COP1: variants seen among roughly 807,000 people sequenced by gnomAD.
COP1 encodes the protein COP1 E3 ubiquitin ligase.
Under a neutral mutation model 101.3 loss-of-function variants are expected in COP1, and 24 were observed. The ratio of observed to expected loss-of-function variants is 0.24; its 90% CI spans 0.17 to 0.33. The LOEUF (loss-of-function observed/expected upper bound fraction) is 0.33. Among genes scored for constraint, COP1 ranks in the 10% least tolerant of loss-of-function variants. The pLI, the probability that COP1 is intolerant of heterozygous loss-of-function variation, is 1.00. For missense variants in COP1, 663 were observed against 906.2 expected (o/e 0.73, Z 3.45); for synonymous variants, 347 against 341.9 (o/e 1.01, Z -0.17).
chr1:175,969,384 C>A (rs1364492926), intron 18 of COP1, among the ~76,000 whole-genome samples: 2 of 152,124 alleles, frequency 1.3e-5, no homozygotes, highest in Non-Finnish European at 2.9e-5. Flanking sequence ...TAAAAGAATT[C>A]TCTGCCCTTC....
intron 18 of COP1, among the ~76,000 whole-genome samples, chr1:175,953,722 C>A (rs1304267466): frequency 1.3e-5 from 2 of 148,986 alleles, no homozygotes; most frequent in African/African-American, 5.0e-5. Flanking sequence ...ATTTGACCAG[C>A]GATAAAGACA....
At chr1:175,962,033 ATAAG>A (rs1331331700) in intron 18 of COP1, among the ~76,000 whole-genome samples, 12 of 152,326 alleles carry the variant, frequency 7.9e-5, no homozygotes, top group Admixed American at 6.5e-4. Context: ...GGGTTAGAAA[ATAAG>A]TAAGATTAAT....
intron 9 of COP1, among the ~76,000 whole-genome samples, chr1:176,109,475 G>C (rs1684909356): frequency 6.6e-6 from 1 of 151,556 alleles, no homozygotes; most frequent in South Asian, 2.1e-4. Context: ...TGCTTCTTTT[G>C]TTACAGCAGT....
At chr1:176,204,810 A>T (rs1408222509) in intron 1 of COP1, among the ~76,000 whole-genome samples, 1 of 152,130 alleles carries the variant, frequency 6.6e-6, no homozygotes, top group Non-Finnish European at 1.5e-5. Flanking sequence ...CTGTAATCCC[A>T]GCTACTACTC....
At chr1:176,085,297 T>TATGAGAATATC (rs1438569232) in intron 10 of COP1, among the ~76,000 whole-genome samples, 1 of 152,118 alleles carries the variant, frequency 6.6e-6, no homozygotes, top group East Asian at 1.9e-4. Flanking sequence ...TGGATATTAT[T>TATGAGAATATC]ATCTATTCTC....
intron 15 of COP1, among the ~76,000 whole-genome samples, chr1:175,999,001 A>C (rs1660949501): frequency 6.6e-6 from 1 of 151,884 alleles, no homozygotes; most frequent in South Asian, 2.1e-4. Context: ...GGTTTCTATG[A>C]CTCTCTATTT....
chr1:175,986,106 G>T lies in COP1; in HGVS notation c.2133+837C>A, dbSNP rs578063647. ...GCGATCTTGGCTCACTGCAAGCTCT[G>T]CCTCGCGGGTTGATGCCATTCTCCT... On this transcript the variant is annotated intron_variant, in intron 18 of 19. Transcript: ENST00000367669. Among the ~76,000 whole-genome samples, 42 of 152,204 alleles carry T rather than the reference G, an allele frequency of 2.8e-4. No homozygotes were observed. The East Asian group carries it at 7.9e-3, about 29-fold the overall frequency.
Position 175,996,092 on chromosome 1 carries a change from A to T in COP1, c.1730-6613T>A, listed in dbSNP as rs1372503801. Reference sequence around the variant, plus strand: ...TCCCTGGGATGCAAGGCTGGTTCAAAACAGGCAAATCAATAAATGTAATCC... The same window carrying T: ...TCCCTGGGATGCAAGGCTGGTTCAATACAGGCAAATCAATAAATGTAATCC... On this transcript the variant is annotated intron_variant, in intron 15 of 19. Transcript: ENST00000367669. Among the ~76,000 whole-genome samples, 497 of 151,690 alleles carry T rather than the reference A, an allele frequency of 3.3e-3. 5 individuals are homozygous for T. The highest frequency in any genetic ancestry group is 0.011 in the African/African-American group (435 of 41,394).
chr1:176,157,754 A>T (rs564593233), intron 5 of COP1, among the ~76,000 whole-genome samples: 1 of 152,344 alleles, frequency 6.6e-6, no homozygotes, highest in African/African-American at 2.4e-5. Context: ...AATTTCTGGC[A>T]TCTAATTAAG....
rs1571414351 is a variant in COP1 at position 175,986,967 on chromosome 1, C to T, written c.2109G>A (p.Val703=). The part of the protein sequence containing the change: ...EDDTNEFVSA[V]CWRALPDGES... ...CCCCATCTGGTAGTGCCCTCCAGCACACAGCACTAACAAATTCATTTGTAT... is the reference window on the plus strand; with the variant it reads ...CCCCATCTGGTAGTGCCCTCCAGCATACAGCACTAACAAATTCATTTGTAT... The change falls in exon 18 of 20, where the codon GTG becomes GTA. Residue 703 remains valine (V), a synonymous_variant. Transcript: ENST00000367669. 6.2e-7 allele frequency: 1 copy of T among 1,606,890 alleles called. No homozygotes were observed.
chr1:176,007,501 G>T (rs1289127002), intron 15 of COP1, among the ~76,000 whole-genome samples: 2 of 150,734 alleles, frequency 1.3e-5, no homozygotes, highest in African/African-American at 2.4e-5. Flanking sequence ...TTTGATGATG[G>T]TGATGTACAG....
At chr1:175,995,768 C>G (rs1377684789) in intron 15 of COP1, among the ~76,000 whole-genome samples, 1 of 152,144 alleles carries the variant, frequency 6.6e-6, no homozygotes, top group African/African-American at 2.4e-5. Flanking sequence ...GCTTACCAAC[C>G]AAAAAGAGTC....
chr1:176,013,857 G>C (rs1665122792), intron 15 of COP1, among the ~76,000 whole-genome samples: 1 of 152,102 alleles, frequency 6.6e-6, no homozygotes, highest in Non-Finnish European at 1.5e-5. Context: ...GTTATTCTAG[G>C]AAAGTACCTG....
At chr1:176,007,812 GT>G (rs2148924787) in intron 15 of COP1, among the ~76,000 whole-genome samples, 1 of 152,366 alleles carries the variant, frequency 6.6e-6, no homozygotes, top group African/African-American at 2.4e-5. Flanking sequence ...TGTGTGCCCT[GT>G]CCCCAGAGGT....
rs191246303 is a variant in COP1 at position 176,151,152 on chromosome 1, T to C, written c.763-2078A>G. Among the ~76,000 whole-genome samples the C allele has an allele frequency of 1.6e-3, 236 of 151,744 alleles. 3 individuals carry two copies. Among genetic ancestry groups the C allele is most frequent in the African/African-American group, 5.5e-3 (227 of 41,388 alleles). ...AAACATCTCTTACAATCGTCAAAACTTCCAAAAAACATGTAATGATCATTT... is the reference window on the plus strand; with the variant it reads ...AAACATCTCTTACAATCGTCAAAACCTCCAAAAAACATGTAATGATCATTT... On this transcript the variant is annotated intron_variant, in intron 5 of 19. Transcript: ENST00000367669.
intron 5 of COP1, among the ~76,000 whole-genome samples, chr1:176,158,146 C>A: frequency 6.6e-6 from 1 of 151,352 alleles, no homozygotes; most frequent in Non-Finnish European, 1.5e-5. Flanking sequence ...ACACTTACAC[C>A]CATAAAAAGA....
intron 18 of COP1, among the ~76,000 whole-genome samples, chr1:175,985,446 G>A (rs77494806): frequency 0.036 from 5,455 of 152,240 alleles, 128 homozygotes; most frequent in East Asian, 0.075. Flanking sequence ...TTCAATTTCA[G>A]AGATTGATAT....
At chr1:176,042,636 TAGG>T (rs1485551703) in intron 14 of COP1, among the ~76,000 whole-genome samples, 2 of 115,008 alleles carry the variant, frequency 1.7e-5, no homozygotes, top group Non-Finnish European at 3.5e-5. Flanking sequence ...GAGGCTGAGG[TAGG>T]AGAATTGCTT....
At chr1:176,081,748 TAAG>T (rs1315388972) in intron 10 of COP1, among the ~76,000 whole-genome samples, 5 of 152,158 alleles carry the variant, frequency 3.3e-5, no homozygotes, top group South Asian at 2.1e-4. Flanking sequence ...AGTTTATAAA[TAAG>T]AAGAAATATT....
Sources: gnomAD v4.1 joint callset for allele counts (sites outside exome capture counted in the v4.1 genomes callset) on GRCh38, gnomAD v4.1.1 for gene constraint, MANE v1.5 for transcripts, NCBI Gene and HGNC (gene_info 2026-07-23, HGNC 2026-07-21) for gene names.